SDK1: variants seen among roughly 807,000 people sequenced by gnomAD.
SDK1 encodes the protein sidekick cell adhesion molecule 1, also known as protein sidekick-1.
SDK1 carries 157 observed loss-of-function variants against 245.5 expected under a neutral mutation model. That is an observed-to-expected ratio of 0.64 (90% CI 0.56 to 0.73). The LOEUF (loss-of-function observed/expected upper bound fraction) is 0.73. Among genes scored for constraint, SDK1 ranks in the 30% least tolerant of loss-of-function variants. The probability of loss-of-function intolerance (pLI) is 0.00; values close to 1 mark genes in which losing one functional copy is unlikely to be tolerated. For synonymous variants in SDK1, 1,647 were observed against 1,278.5 expected (o/e 1.29, Z -6.15); for missense variants, 3,583 against 3,002.3 (o/e 1.19, Z -4.52).
At chr7:3,353,795 C>G (rs899349732) in intron 1 of SDK1, among the ~76,000 whole-genome samples, 1 of 146,296 alleles carries the variant, frequency 6.8e-6, no homozygotes, top group Admixed American at 6.9e-5. Context: ...TAGATTTCAT[C>G]TAGAAGATCA....
Position 4,102,306 on chromosome 7 carries a change from T to C in SDK1, c.3325-8357T>C, listed in dbSNP as rs1782608406. Among the ~76,000 whole-genome samples the C allele has an allele frequency of 6.6e-5, 10 of 152,210 alleles. No individual in the cohort carries two copies. The South Asian group carries it at 1.9e-3, about 28-fold the overall frequency. On this transcript the variant is annotated intron_variant, in intron 22 of 44. Coordinates refer to ENST00000404826, the MANE Select transcript of SDK1 (RefSeq NM_152744.4). Reference sequence around the variant, plus strand: ...CTCAGGAGGTTTCATTTGGCTGTGGTGGGCACGGGGAGGAGCCGTCAGAAG... The same window carrying C: ...CTCAGGAGGTTTCATTTGGCTGTGGCGGGCACGGGGAGGAGCCGTCAGAAG...
intron 4 of SDK1, among the ~76,000 whole-genome samples, chr7:3,711,223 T>C (rs527802819): frequency 6.6e-6 from 1 of 152,340 alleles, no homozygotes; most frequent in African/African-American, 2.4e-5. Context: ...GATCTCTTCT[T>C]CTCTTTAAAG....
intron 1 of SDK1, among the ~76,000 whole-genome samples, chr7:3,352,209 A>C (rs1427357318): frequency 6.6e-6 from 1 of 150,914 alleles, no homozygotes; most frequent in Non-Finnish European, 1.5e-5. Context: ...ACTTAAATAC[A>C]AAATCACTGT....
chr7:3,868,443 A>C (rs1184380814), intron 5 of SDK1, among the ~76,000 whole-genome samples: 2 of 152,220 alleles, frequency 1.3e-5, no homozygotes, highest in East Asian at 3.9e-4. Context: ...CCACCTTATC[A>C]AAGTCAGCTT....
intron 4 of SDK1, among the ~76,000 whole-genome samples, chr7:3,783,359 G>A (rs1200495928): frequency 2.0e-5 from 3 of 151,926 alleles, no homozygotes; most frequent in Non-Finnish European, 4.4e-5. Flanking sequence ...CCTCACCAGA[G>A]TAGTTAGGCA....
chr7:3,867,088 G>A (rs959578112), intron 5 of SDK1, among the ~76,000 whole-genome samples: 2 of 152,200 alleles, frequency 1.3e-5, no homozygotes, highest in Non-Finnish European at 2.9e-5. Flanking sequence ...TGGAAAAGCC[G>A]TATTTTTCCA....
Position 3,971,455 on chromosome 7 carries a change from G to A in SDK1, c.1715-11G>A. ...TCATTTCGTCTGACTCGTGACTTGT[G>A]TTTTTTTCAGATCGGACGTCCATCG... is the stretch of plus-strand genomic sequence containing the variant. On this transcript the variant is annotated splice_polypyrimidine_tract_variant and intron_variant, in intron 11 of 44. Coordinates refer to ENST00000404826, the MANE Select transcript of SDK1 (RefSeq NM_152744.4). The A allele has an allele frequency of 6.3e-7, 1 of 1,599,872 alleles. No homozygotes were observed. Among genetic ancestry groups the A allele is most frequent in the Non-Finnish European group, 8.6e-7 (1 of 1,168,612 alleles).
At chr7:3,942,744 G>A (rs1437601204) in intron 5 of SDK1, among the ~76,000 whole-genome samples, 1 of 152,160 alleles carries the variant, frequency 6.6e-6, no homozygotes, top group Admixed American at 6.6e-5. Context: ...CATAGATGTA[G>A]ACACACTAAA....
intron 22 of SDK1, among the ~76,000 whole-genome samples, chr7:4,086,396 C>T (rs1781431325): frequency 6.6e-6 from 1 of 152,202 alleles, no homozygotes; most frequent in African/African-American, 2.4e-5. Context: ...TCACCAGAGC[C>T]ATGTTTCTTC....
chr7:3,492,580 G>T (rs1165668213), intron 1 of SDK1, among the ~76,000 whole-genome samples: 1 of 152,234 alleles, frequency 6.6e-6, no homozygotes, highest in Non-Finnish European at 1.5e-5. Context: ...GACAGCAGTG[G>T]CGGGGCAACA....
intron 1 of SDK1, chr7:3,337,823 G>A (rs1269586654): frequency 1.3e-5 from 2 of 152,164 alleles, no homozygotes; most frequent in Non-Finnish European, 2.9e-5. Flanking sequence ...AGGGGAAAAG[G>A]AAAACTTTCT....
At chr7:3,812,146 C>T (rs1779400424) in intron 4 of SDK1, among the ~76,000 whole-genome samples, 1 of 152,194 alleles carries the variant, frequency 6.6e-6, no homozygotes, top group South Asian at 2.1e-4. Flanking sequence ...GTAGGCACTG[C>T]AAAGATATTT....
intron 4 of SDK1, among the ~76,000 whole-genome samples, chr7:3,812,672 T>C (rs1352647695): frequency 6.6e-6 from 1 of 152,246 alleles, no homozygotes; most frequent in East Asian, 1.9e-4. Context: ...TTCCTGCCTC[T>C]AGTTTCTTCC....
chr7:3,649,945 C>G (rs1455797161), intron 4 of SDK1, among the ~76,000 whole-genome samples: 3 of 150,164 alleles, frequency 2.0e-5, no homozygotes, highest in African/African-American at 7.4e-5. Context: ...TCCCCTGAAT[C>G]TGGGAAGGAA....
intron 19 of SDK1, among the ~76,000 whole-genome samples, chr7:4,067,009 G>A (rs186506674): frequency 6.6e-4 from 100 of 152,316 alleles, no homozygotes; most frequent in African/African-American, 2.4e-3. Context: ...TCATCATCAT[G>A]ACAGCGGCTG....
At chr7:3,500,794 A>G (rs375777428) in intron 1 of SDK1, among the ~76,000 whole-genome samples, 1 of 150,424 alleles carries the variant, frequency 6.6e-6, no homozygotes, top group East Asian at 1.9e-4. Flanking sequence ...TGCCTCCTAT[A>G]CTAGTCCTCT....
chr7:3,612,311 A>G (rs767553382), intron 1 of SDK1, among the ~76,000 whole-genome samples: 2 of 152,252 alleles, frequency 1.3e-5, no homozygotes, highest in African/African-American at 2.4e-5. Flanking sequence ...ATATTTGCAT[A>G]TTTAACTAGA....
intron 40 of SDK1, among the ~76,000 whole-genome samples, chr7:4,224,260 A>G (rs1367184840): frequency 6.6e-6 from 1 of 152,258 alleles, no homozygotes; most frequent in African/African-American, 2.4e-5. Flanking sequence ...TGCAGGCTGT[A>G]CAGGAAGCAT....
intron 5 of SDK1, among the ~76,000 whole-genome samples, chr7:3,934,585 A>G (rs912472393): frequency 1.3e-5 from 2 of 152,228 alleles, no homozygotes; most frequent in African/African-American, 2.4e-5. Context: ...CACTTATGCA[A>G]TTTTAGCAAA....
Sources: gnomAD v4.1 joint callset for allele counts (sites outside exome capture counted in the v4.1 genomes callset) on GRCh38, gnomAD v4.1.1 for gene constraint, MANE v1.5 for transcripts, NCBI Gene and HGNC (gene_info 2026-07-23, HGNC 2026-07-21) for gene names.